The following TAS2R1 variants were observed in gnomAD, a reference collection of about 807,000 sequenced individuals.
TAS2R1 encodes the protein taste 2 receptor member 1, also known as taste receptor type 2 member 1.
For synonymous variants in TAS2R1, 141 were observed against 134.2 expected (o/e 1.05, Z -0.35); for missense variants, 370 against 353.4 (o/e 1.05, Z -0.38).
rs538785361 is a variant in TAS2R1, at chr5:9,704,979, T to C, written c.-242+7193A>G. ...CAAGTTTATTCATTGCAGGATTATT[T>C]GTAATAGCAGAAAACTAAGCACAAG... On this transcript the variant is annotated intron_variant, in intron 1 of 2. Transcript: ENST00000506620. 1.4e-4 allele frequency among the ~76,000 whole-genome samples: 22 copies of C among 152,354 alleles called. No homozygotes were observed. In the South Asian group the frequency reaches 3.3e-3, roughly 23 times the overall value.
At chr5:9,864,517 C>A in the TAS2R1 span, among the ~76,000 whole-genome samples, 2 of 151,756 alleles carry the variant, frequency 1.3e-5, no homozygotes, top group African/African-American at 4.8e-5. Flanking sequence ...CCTGTAGTCC[C>A]AGCTACCCAG....
At chr5:9,834,096 C>A in the TAS2R1 span, among the ~76,000 whole-genome samples, 1 of 152,198 alleles carries the variant, frequency 6.6e-6, no homozygotes, top group Non-Finnish European at 1.5e-5. Context: ...CCCTTCCAGG[C>A]CCTACCTGGA....
chr5:9,894,527 G>A, the TAS2R1 span, among the ~76,000 whole-genome samples: 234 of 152,314 alleles, frequency 1.5e-3, no homozygotes, highest in Non-Finnish European at 2.7e-3. Context: ...AAACCCTGGA[G>A]GAAGGCCTCA....
intron 1 of TAS2R1, among the ~76,000 whole-genome samples, chr5:9,672,186 C>T (rs1281875286): frequency 3.3e-5 from 5 of 152,090 alleles, no homozygotes; most frequent in African/African-American, 9.7e-5. Flanking sequence ...ACTGTAAAAA[C>T]CCTTGAAGAT....
chr5:9,792,383 T>C, the TAS2R1 span, among the ~76,000 whole-genome samples: 3 of 152,234 alleles, frequency 2.0e-5, no homozygotes, highest in Non-Finnish European at 4.4e-5. Context: ...TGGTAGCCTA[T>C]AGATATAAAC....
At chr5:9,759,065 T>C in the TAS2R1 span, among the ~76,000 whole-genome samples, 1 of 152,228 alleles carries the variant, frequency 6.6e-6, no homozygotes, top group Non-Finnish European at 1.5e-5. Flanking sequence ...CAGATGGTGG[T>C]GACTCCATTA....
the TAS2R1 span, among the ~76,000 whole-genome samples, chr5:9,832,727 G>A: frequency 1.3e-5 from 2 of 152,182 alleles, no homozygotes; most frequent in Non-Finnish European, 2.9e-5. Context: ...TGAAAAAGAC[G>A]TAGCAAGCCA....
At chr5:9,883,568 A>C in the TAS2R1 span, among the ~76,000 whole-genome samples, 1 of 152,178 alleles carries the variant, frequency 6.6e-6, no homozygotes, top group East Asian at 1.9e-4. Flanking sequence ...ACTAATATTT[A>C]AAGGTAAGAC....
At chr5:9,725,575 G>A in the TAS2R1 span, among the ~76,000 whole-genome samples, 1 of 152,316 alleles carries the variant, frequency 6.6e-6, no homozygotes. Context: ...CTCGGGACCT[G>A]CAGCCCGCCA....
chr5:9,854,670 T>G, the TAS2R1 span: 1 of 152,134 alleles, frequency 6.6e-6, no homozygotes, highest in African/African-American at 2.4e-5. Context: ...GAAGGAAGTA[T>G]TAAAACTAAG....
At chr5:9,815,170 C>G in the TAS2R1 span, among the ~76,000 whole-genome samples, 1 of 152,214 alleles carries the variant, frequency 6.6e-6, no homozygotes, top group East Asian at 1.9e-4. Flanking sequence ...AAAGTAGCTA[C>G]GTCAAGTGTC....
chr5:9,776,340 C>A, the TAS2R1 span, among the ~76,000 whole-genome samples: 1 of 152,202 alleles, frequency 6.6e-6, no homozygotes, highest in East Asian at 1.9e-4. Context: ...ATGGTGTCAG[C>A]AATTCAAAAC....
At chr5:9,879,720 GCA>G in the TAS2R1 span, among the ~76,000 whole-genome samples, 3 of 152,126 alleles carry the variant, frequency 2.0e-5, no homozygotes, top group Non-Finnish European at 4.4e-5. Flanking sequence ...ATGATTATAT[GCA>G]AACTAGAATA....
the TAS2R1 span, among the ~76,000 whole-genome samples, chr5:9,796,018 T>C: frequency 6.6e-6 from 1 of 151,892 alleles, no homozygotes; most frequent in African/African-American, 2.4e-5. Context: ...TGCAGGCAAA[T>C]AGACAAATTA....
At chr5:9,695,060 G>A (rs1422457409) in intron 1 of TAS2R1, among the ~76,000 whole-genome samples, 5 of 152,088 alleles carry the variant, frequency 3.3e-5, no homozygotes, top group South Asian at 2.1e-4. Flanking sequence ...GACTTAGGGC[G>A]GTTACGCACC....
chr5:9,719,450 G>A, the TAS2R1 span, among the ~76,000 whole-genome samples: 2 of 152,240 alleles, frequency 1.3e-5, no homozygotes, highest in East Asian at 1.9e-4. Context: ...CCACTTCCTC[G>A]CTTTTGTCTA....
At chr5:9,757,426 G>A in the TAS2R1 span, among the ~76,000 whole-genome samples, 2 of 152,090 alleles carry the variant, frequency 1.3e-5, no homozygotes, top group African/African-American at 4.8e-5. Flanking sequence ...AAAATAGAGG[G>A]TATATGATTG....
At chr5:9,720,935 T>G in the TAS2R1 span, among the ~76,000 whole-genome samples, 30,911 of 152,176 alleles carry the variant, frequency 0.2, 3,438 homozygotes, top group African/African-American at 0.3. Flanking sequence ...GACAGATGCC[T>G]CAGCTGCTGC....
chr5:9,775,743 G>A, the TAS2R1 span, among the ~76,000 whole-genome samples: 4 of 152,058 alleles, frequency 2.6e-5, no homozygotes, highest in African/African-American at 9.7e-5. Context: ...CCAGAAGCCA[G>A]GGCCTGGAAT....
Sources: allele counts gnomAD v4.1 joint callset (sites outside exome capture counted in the v4.1 genomes callset), GRCh38; gene constraint gnomAD v4.1.1; transcripts MANE v1.5; gene names NCBI Gene and HGNC (gene_info 2026-07-23, HGNC 2026-07-21).